The following WDR86 variants were observed in gnomAD, a reference collection of about 807,000 sequenced individuals.
WDR86 encodes the protein WD repeat domain 86.
Under a neutral mutation model 36.5 loss-of-function variants are expected in WDR86, and 30 were observed. The observed-to-expected ratio is 0.82, with a 90% confidence interval of 0.61 to 1.11. The LOEUF (loss-of-function observed/expected upper bound fraction) is 1.11, where lower values mean the gene tolerates loss of function less well. WDR86 is among the 50% of genes most tolerant of loss of function. The probability of loss-of-function intolerance (pLI) is 0.00; values close to 1 mark genes in which losing one functional copy is unlikely to be tolerated. For synonymous variants in WDR86, 255 were observed against 252.9 expected, an observed-to-expected ratio of 1.01 and a Z score of -0.08; for missense variants, 545 against 561.2, an observed-to-expected ratio of 0.97 and a Z score of 0.29.
intron 3 of WDR86, among the ~76,000 whole-genome samples, chr7:151,387,370 C>T (rs1034547052): frequency 6.6e-6 from 1 of 152,142 alleles, no homozygotes; most frequent in Non-Finnish European, 1.5e-5. Flanking sequence ...TTAGCCCTCC[C>T]AGTAGCACCC....
At chr7:151,396,494 A>G (rs1050020545) in intron 2 of WDR86, among the ~76,000 whole-genome samples, 1 of 152,150 alleles carries the variant, frequency 6.6e-6, no homozygotes, top group Admixed American at 6.5e-5. Flanking sequence ...CTGCAGGAGC[A>G]GCGGGAAGGG....
At chr7:151,374,736 T>G (rs1798128761), downstream of WDR86, 1 of 172,388 alleles carries the variant, frequency 5.8e-6, no homozygotes, top group South Asian at 1.3e-4. Flanking sequence ...TGACTTTACC[T>G]GGGCCACTTC....
rs940068482 is a variant in WDR86 at position 151,396,144 on chromosome 7, G to A, written c.358C>T (p.Arg120Trp). The change falls in exon 3 of 6, where the codon CGG (arginine) becomes TGG (tryptophan). Residue 120 changes from arginine (R) to tryptophan (W), a missense_variant. Coordinates refer to ENST00000334493, the MANE Select transcript of WDR86 (RefSeq NM_198285.3). ...LFSSSYDRTARVWSVDKGQMS... is the reference protein window; with the variant it reads ...LFSSSYDRTAWVWSVDKGQMS... ...TGCCCCTTGTCCACACTCCAGACCC[G>A]AGCTGTCCGGTCATAGGAGCTGCTG... 2.5e-6 allele frequency: 4 copies of A among 1,612,942 alleles called. No homozygotes were observed. The highest frequency in any genetic ancestry group is 3.4e-6 in the Non-Finnish European group (4 of 1,179,884).
At chr7:151,395,498 C>CGG (rs1563055893) in intron 3 of WDR86, among the ~76,000 whole-genome samples, 5,195 of 41,568 alleles carry the variant, frequency 0.12, 251 homozygotes, top group African/African-American at 0.24. Context: ...GATTAGGACA[C>CGG]ACACACACAC....
Position 151,397,765 on chromosome 7 carries a change from G to GGGCATAGCGGGAGGA in WDR86, c.306-1570_306-1569insTCCTCCCGCTATGCC, listed in dbSNP as rs1371881782. Reference sequence around the variant, plus strand: ...GAGGAAGAGGGTGTAGCGGGAGGAAGAGGGCGTAGCAGGAGGAAGGGCATA... The same window carrying GGGCATAGCGGGAGGA: ...GAGGAAGAGGGTGTAGCGGGAGGAAGGGCATAGCGGGAGGAAGGGCGTAGCAGGAGGAAGGGCATA... On this transcript the variant is annotated intron_variant, in intron 2 of 5. Coordinates refer to ENST00000334493, the MANE Select transcript of WDR86 (RefSeq NM_198285.3). Among the ~76,000 whole-genome samples, 204 of 32,188 alleles carry GGGCATAGCGGGAGGA rather than the reference G, an allele frequency of 6.3e-3. 2 individuals are homozygous for GGGCATAGCGGGAGGA. The highest frequency in any genetic ancestry group is 0.015 in the African/African-American group (169 of 11,124). 21.1% of individuals were successfully genotyped at this position (32,188 alleles called of 152,430 possible).
At chr7:151,387,656 C>T (rs536292004) in intron 3 of WDR86, among the ~76,000 whole-genome samples, 3 of 152,108 alleles carry the variant, frequency 2.0e-5, no homozygotes, top group Non-Finnish European at 4.4e-5. Context: ...GGCACAGATG[C>T]GGGCCTCCAC....
Position 151,396,990 on chromosome 7 carries a change from G to T in WDR86, c.306-794C>A, listed in dbSNP as rs150638439. Among the ~76,000 whole-genome samples the T allele has an allele frequency of 1.1e-3, 164 of 152,352 alleles. 1 individual carries two copies. Among genetic ancestry groups the T allele is most frequent in the African/African-American group, 3.7e-3 (155 of 41,582 alleles). On this transcript the variant is annotated intron_variant, in intron 2 of 5. Transcript: ENST00000334493. Reference sequence around the variant, plus strand: ...TATTCACGACTCTTATTTTCATTTTGATGGAAGCCAAGAACTCCCCAGAAA... The same window carrying T: ...TATTCACGACTCTTATTTTCATTTTTATGGAAGCCAAGAACTCCCCAGAAA...
At chr7:151,403,662 T>C (rs1485616008) in intron 1 of WDR86, among the ~76,000 whole-genome samples, 1 of 152,246 alleles carries the variant, frequency 6.6e-6, no homozygotes, top group Non-Finnish European at 1.5e-5. Context: ...AACTGCAGAT[T>C]CTGTTTCCCT....
chr7:151,374,176 G>C (rs1338681848), downstream of WDR86: 2 of 1,575,498 alleles, frequency 1.3e-6, no homozygotes, highest in South Asian at 2.3e-5. Flanking sequence ...AAAGGGATGG[G>C]CTACTCCACG....
At chr7:151,373,426 G>A (rs1417729167), downstream of WDR86, among the ~76,000 whole-genome samples, 1 of 152,188 alleles carries the variant, frequency 6.6e-6, no homozygotes, top group East Asian at 1.9e-4. Context: ...GAGGTGAAGA[G>A]ACTAGAACCC....
At chr7:151,404,866 C>A (rs923871503) in intron 1 of WDR86, among the ~76,000 whole-genome samples, 2 of 152,214 alleles carry the variant, frequency 1.3e-5, no homozygotes, top group African/African-American at 4.8e-5. Context: ...TTCGGACCTG[C>A]TGGTGGCGGG....
rs376444828 is a variant in WDR86 at position 151,395,904 on chromosome 7, C to T, written c.598G>A (p.Val200Met). 1.9e-6 allele frequency: 3 copies of T among 1,602,118 alleles called. No homozygotes were observed. Among genetic ancestry groups the T allele is most frequent in the Non-Finnish European group, 2.5e-6 (3 of 1,176,946 alleles). Residue 200 changes from valine to methionine, a missense_variant, in exon 3 of 6, where the codon GTG (valine) becomes ATG (methionine). By Grantham distance (21) the Val-to-Met change is conservative. Coordinates refer to ENST00000334493, the MANE Select transcript of WDR86 (RefSeq NM_198285.3). Reference protein sequence around the residue: ...RGHTGAVLCLVLDTPGHTAFT... With the variant: ...RGHTGAVLCLMLDTPGHTAFT... ...GCCGTGTGGCCGGGCGTGTCTAGCA[C>T]TAGGCACAGCACTGCACCCGTGTGG... is the stretch of plus-strand genomic sequence containing the variant.
downstream of WDR86, chr7:151,376,421 CT>C: frequency 1.8e-6 from 1 of 554,956 alleles, no homozygotes; most frequent in Non-Finnish European, 3.2e-6. Context: ...CCTGAGATGG[CT>C]GCTCCCTGAC....
At chr7:151,408,863 G>C (rs1455495605) in intron 1 of WDR86, 2 of 467,548 alleles carry the variant, frequency 4.3e-6, no homozygotes, top group Non-Finnish European at 8.9e-6. Flanking sequence ...ACCCCTCACT[G>C]GCTGTGCGAC....
chr7:151,409,404 A>G lies in WDR86; in HGVS notation c.163+23T>C. 1 of 1,555,978 alleles carries G rather than the reference A, an allele frequency of 6.4e-7. No homozygotes were observed. On this transcript the variant is annotated intron_variant, in intron 1 of 5. Coordinates refer to ENST00000334493, the MANE Select transcript of WDR86 (RefSeq NM_198285.3). The surrounding 1 kb of genome is among the most constrained non-coding windows in gnomAD (Gnocchi z 5.2). ...GCCGGTGAGCTGCGGCGAAGAGGTC[A>G]GGGAGGGAGTGGGAGGGTCTACCTT...
At chr7:151,403,485 C>T (rs1305441049) in intron 1 of WDR86, among the ~76,000 whole-genome samples, 1 of 152,144 alleles carries the variant, frequency 6.6e-6, no homozygotes, top group African/African-American at 2.4e-5. Context: ...CAATTCACAT[C>T]CACCCCTTCC....
rs1022526271 is a variant in WDR86 at position 151,390,821 on chromosome 7, T to C, written c.726+4955A>G. ...GACAGATCCTGCACGACTCCACTCA[T>C]GTGAGGACCCAGAGTCATCAAATTC... On this transcript the variant is annotated intron_variant, in intron 3 of 5. Transcript: ENST00000334493. The surrounding 1 kb of genome is among the most constrained non-coding windows in gnomAD (Gnocchi z 4.5). Among the ~76,000 whole-genome samples, 2 of 152,182 alleles carry C rather than the reference T, an allele frequency of 1.3e-5. No homozygotes were observed. Among genetic ancestry groups the C allele is most frequent in the African/African-American group, 2.4e-5 (1 of 41,444 alleles).
intron 4 of WDR86, among the ~76,000 whole-genome samples, chr7:151,384,171 T>A (rs1002973438): frequency 1.1e-4 from 17 of 152,126 alleles, no homozygotes; most frequent in African/African-American, 3.1e-4. Context: ...CAACCCAGTC[T>A]CCTCCCTCCC....
downstream of WDR86, among the ~76,000 whole-genome samples, chr7:151,374,840 C>A (rs2302128): frequency 6.6e-6 from 1 of 151,996 alleles, no homozygotes; most frequent in East Asian, 1.9e-4. Context: ...TCTGCCCTCT[C>A]GGCCCCGCAG....
Sources: gnomAD v4.1 joint callset for allele counts (sites outside exome capture counted in the v4.1 genomes callset) on GRCh38, gnomAD v4.1.1 for gene constraint, Gnocchi (gnomAD v3.1) non-coding constraint, MANE v1.5 for transcripts, NCBI Gene and HGNC (gene_info 2026-07-23, HGNC 2026-07-21) for gene names.